LARP4B: variants seen among roughly 807,000 people sequenced by gnomAD.
The protein encoded by LARP4B is La ribonucleoprotein 4B, also known as la-related protein 4B.
Under a neutral mutation model 89.8 loss-of-function variants are expected in LARP4B, and 12 were observed. The observed-to-expected ratio is 0.13, with a 90% confidence interval of 0.09 to 0.22. The LOEUF is 0.22. Among genes scored for constraint, LARP4B ranks in the 10% least tolerant of loss-of-function variants. LARP4B has a pLI of 1.00. For missense variants in LARP4B, 757 were observed against 947.7 expected (o/e 0.80, Z 2.64); for synonymous variants, 367 against 363.3 (o/e 1.01, Z -0.12).
At chr10:862,280 A>AAAC (rs1834662944) in intron 5 of LARP4B, among the ~76,000 whole-genome samples, 1 of 116,986 alleles carries the variant, frequency 8.5e-6, no homozygotes, top group East Asian at 2.0e-4. Flanking sequence ...AAAAAAAAAA[A>AAAC]ACAACCGTCA....
At chr10:924,695 C>T (rs1837087531) in intron 1 of LARP4B, among the ~76,000 whole-genome samples, 1 of 152,238 alleles carries the variant, frequency 6.6e-6, no homozygotes. Context: ...ACTCCACCAC[C>T]ATCCCTCCAA....
At chr10:885,343 A>C (rs537201617) in intron 2 of LARP4B, among the ~76,000 whole-genome samples, 45 of 152,290 alleles carry the variant, frequency 3.0e-4, no homozygotes, top group African/African-American at 8.9e-4. Context: ...GCAAAAAAAA[A>C]ATACAGTTTT....
At chr10:952,064 T>C in the LARP4B span, among the ~76,000 whole-genome samples, 1 of 151,026 alleles carries the variant, frequency 6.6e-6, no homozygotes, top group African/African-American at 2.4e-5. Context: ...ATCGGCCTGG[T>C]GCAGTGGCTC....
intron 15 of LARP4B, among the ~76,000 whole-genome samples, chr10:816,186 G>C (rs558765851): frequency 1.3e-5 from 2 of 152,342 alleles, no homozygotes; most frequent in East Asian, 3.9e-4. Context: ...CCAAGGTCGT[G>C]CCACTGCATT....
intron 15 of LARP4B, among the ~76,000 whole-genome samples, chr10:817,026 G>A (rs889398311): frequency 2.0e-5 from 3 of 152,142 alleles, no homozygotes; most frequent in African/African-American, 7.2e-5. Flanking sequence ...AGGGGACACC[G>A]GCAACCTGGA....
chr10:977,498 C>G, the LARP4B span, among the ~76,000 whole-genome samples: 120 of 151,346 alleles, frequency 7.9e-4, no homozygotes, highest in South Asian at 2.1e-3. Context: ...AAGATAGTGC[C>G]ACTGCACTCC....
intron 1 of LARP4B, among the ~76,000 whole-genome samples, chr10:921,243 A>C (rs1318244357): frequency 6.6e-6 from 1 of 152,014 alleles, no homozygotes; most frequent in Non-Finnish European, 1.5e-5. Flanking sequence ...ATTGCACTCC[A>C]GCCTGGGCAA....
At chr10:807,271 T>C (rs1183143216), downstream of LARP4B, 1 of 152,276 alleles carries the variant, frequency 6.6e-6, no homozygotes, top group African/African-American at 2.4e-5. Context: ...CCCACACTTG[T>C]AAGCGCCCCA....
intron 5 of LARP4B, among the ~76,000 whole-genome samples, chr10:854,657 A>G (rs914519393): frequency 1.3e-5 from 2 of 152,100 alleles, no homozygotes; most frequent in Non-Finnish European, 2.9e-5. Context: ...ATGTCCTGTC[A>G]TCCAGGCTTT....
intron 1 of LARP4B, among the ~76,000 whole-genome samples, chr10:917,721 C>G (rs561874466): frequency 6.6e-6 from 1 of 152,242 alleles, no homozygotes; most frequent in South Asian, 2.1e-4. Flanking sequence ...TAGTCCTTGG[C>G]TTGGCTTCCT....
At chr10:959,132 G>A in the LARP4B span, among the ~76,000 whole-genome samples, 1 of 152,142 alleles carries the variant, frequency 6.6e-6, no homozygotes, top group African/African-American at 2.4e-5. Flanking sequence ...TGCTGGCTGA[G>A]TTTGGATATA....
chr10:876,128 G>A (rs181003866), intron 3 of LARP4B, among the ~76,000 whole-genome samples: 14 of 152,290 alleles, frequency 9.2e-5, no homozygotes, highest in Non-Finnish European at 1.5e-4. Flanking sequence ...GCTCACGCCT[G>A]TAATCCCAAC....
At chr10:984,659 T>C in the LARP4B span, among the ~76,000 whole-genome samples, 4 of 152,318 alleles carry the variant, frequency 2.6e-5, no homozygotes, top group South Asian at 2.1e-4. Flanking sequence ...TGGGGGATTA[T>C]TGACAGCATA....
intron 1 of LARP4B, among the ~76,000 whole-genome samples, chr10:902,638 C>CT (rs537413514): frequency 0.026 from 3,655 of 140,236 alleles, 110 homozygotes; most frequent in East Asian, 0.1. Flanking sequence ...AACATAAAAT[C>CT]TTTTTTTTTT....
At chr10:961,058 C>T in the LARP4B span, among the ~76,000 whole-genome samples, 1,678 of 152,300 alleles carry the variant, frequency 0.011, 33 homozygotes, top group African/African-American at 0.038. Context: ...CCACTGATGC[C>T]TGCTGGAGTG....
chr10:886,780 T>C (rs868783787), intron 1 of LARP4B, among the ~76,000 whole-genome samples: 4 of 152,088 alleles, frequency 2.6e-5, no homozygotes, highest in South Asian at 2.1e-4. Context: ...GTCAAATACA[T>C]AGAAACAGAG....
At chr10:972,834 C>A in the LARP4B span, 1 of 456,918 alleles carries the variant, frequency 2.2e-6, no homozygotes, top group Admixed American at 2.3e-5. Context: ...CACATGCTGC[C>A]CAGCAGGTCT....
At chr10:972,396 G>T in the LARP4B span, 1 of 424,368 alleles carries the variant, frequency 2.4e-6, no homozygotes, top group South Asian at 1.8e-5. Context: ...CATGCTCTTG[G>T]ACTTCCCAGC....
At chr10:970,710 ATG>A in the LARP4B span, among the ~76,000 whole-genome samples, 1 of 152,048 alleles carries the variant, frequency 6.6e-6, no homozygotes, top group Admixed American at 6.6e-5. Flanking sequence ...TTCTTTCTTG[ATG>A]TGTAAGGAAT....
Sources: gnomAD v4.1 joint callset for allele counts (sites outside exome capture counted in the v4.1 genomes callset) on GRCh38, gnomAD v4.1.1 for gene constraint, MANE v1.5 for transcripts, NCBI Gene and HGNC (gene_info 2026-07-23, HGNC 2026-07-21) for gene names.